SEMA5B: variants seen among roughly 807,000 people sequenced by gnomAD.
SEMA5B encodes the protein semaphorin-5B.
In SEMA5B, 66 loss-of-function variants were observed where a neutral mutation model predicts 135.0. The observed-to-expected ratio is 0.49, with a 90% CI of 0.40 to 0.60. The LOEUF is 0.60. Among genes scored for constraint, SEMA5B ranks in the 20% least tolerant of loss-of-function variants. The probability of loss-of-function intolerance (pLI) is 0.00; values close to 1 mark genes in which losing one functional copy is unlikely to be tolerated. For missense variants in SEMA5B, 1,501 were observed against 1,566.3 expected, an observed-to-expected ratio of 0.96 and a Z score of 0.70; for synonymous variants, 690 against 639.5, an observed-to-expected ratio of 1.08 and a Z score of -1.19.
At chr3:122,990,098 G>A (rs374051695) in intron 1 of SEMA5B, among the ~76,000 whole-genome samples, 2 of 152,140 alleles carry the variant, frequency 1.3e-5, no homozygotes, top group East Asian at 3.9e-4. Context: ...TCAAAGCCCA[G>A]CAGGCTGATT....
At chr3:122,981,925 G>A (rs550811399) in intron 1 of SEMA5B, among the ~76,000 whole-genome samples, 3 of 152,318 alleles carry the variant, frequency 2.0e-5, no homozygotes, top group South Asian at 2.1e-4. Context: ...AGTGCTTTGC[G>A]TTTGGCCATG....
At position 122,972,033 on chromosome 3, in the gene SEMA5B, C is replaced by T. The variant is rs144954341; in HGVS notation, c.-38-10732G>A. ...CAAACGCTTGTTGTCCACATGGATC[C>T]GCTGATCGATCCACCATGGCTGGGT... On this transcript the variant is annotated intron_variant, in intron 1 of 22. Transcript: ENST00000357599. Among the ~76,000 whole-genome samples, 122 of 152,318 alleles carry T rather than the reference C, an allele frequency of 8.0e-4. 1 individual carries two copies. Among genetic ancestry groups the T allele is most frequent in the East Asian group, 6.0e-3 (31 of 5,182 alleles).
intron 3 of SEMA5B, among the ~76,000 whole-genome samples, chr3:122,946,378 C>CTCAG (rs1319946004): frequency 1.3e-5 from 2 of 152,260 alleles, no homozygotes; most frequent in East Asian, 3.9e-4. Context: ...TTATTCACAG[C>CTCAG]TCAGTCAGGT....
At chr3:122,951,309 A>G (rs186372194) in intron 2 of SEMA5B, among the ~76,000 whole-genome samples, 371 of 152,350 alleles carry the variant, frequency 2.4e-3, no homozygotes, top group South Asian at 8.3e-3. Context: ...TATACACTAG[A>G]AAAATAAAAC....
Position 122,944,902 on chromosome 3 carries a change from G to C in SEMA5B, c.329-1367C>G, listed in dbSNP as rs555566415. 3.3e-5 allele frequency among the ~76,000 whole-genome samples: 5 copies of C among 152,252 alleles called. No homozygotes were observed. The East Asian group carries it at 9.7e-4, about 29-fold the overall frequency. ...GCAGAGGAACTTTCATGCCGCTGTT[G>C]GTAAAGATTCAGGGTAATGGGAGGC... On this transcript the variant is annotated intron_variant, in intron 3 of 22. Transcript: ENST00000357599.
chr3:123,024,968 C>G (rs1025479900), intron 1 of SEMA5B, among the ~76,000 whole-genome samples: 1 of 152,184 alleles, frequency 6.6e-6, no homozygotes, highest in South Asian at 2.1e-4. Flanking sequence ...TGTGCTTCCC[C>G]TGACATGGAC....
intron 2 of SEMA5B, among the ~76,000 whole-genome samples, chr3:122,956,991 A>G (rs1161028742): frequency 6.6e-6 from 1 of 152,228 alleles, no homozygotes; most frequent in Non-Finnish European, 1.5e-5. Flanking sequence ...CAGAGGGCAC[A>G]GCAGGGGAAA....
chr3:122,977,993 C>G (rs1941387392), intron 1 of SEMA5B, among the ~76,000 whole-genome samples: 1 of 152,258 alleles, frequency 6.6e-6, no homozygotes, highest in Non-Finnish European at 1.5e-5. Flanking sequence ...GGCCAGACCA[C>G]CTCTGCAAGA....
intron 3 of SEMA5B, among the ~76,000 whole-genome samples, chr3:122,947,318 C>T (rs928210833): frequency 2.0e-5 from 3 of 152,220 alleles, no homozygotes; most frequent in East Asian, 1.9e-4. Context: ...AAGACAGCGC[C>T]GAGAAGACAG....
chr3:122,917,078 C>T (rs933526111), intron 12 of SEMA5B, among the ~76,000 whole-genome samples: 4 of 152,210 alleles, frequency 2.6e-5, no homozygotes, highest in African/African-American at 9.6e-5. Context: ...TCAGGCTTTG[C>T]TATCCATTGC....
intron 1 of SEMA5B, among the ~76,000 whole-genome samples, chr3:123,012,283 G>A (rs1369748182): frequency 1.3e-5 from 2 of 152,118 alleles, no homozygotes; most frequent in African/African-American, 4.8e-5. Context: ...CAGAATCCCT[G>A]GGGCTGAAGG....
chr3:123,019,986 T>C (rs1044348850), intron 1 of SEMA5B, among the ~76,000 whole-genome samples: 8 of 152,206 alleles, frequency 5.3e-5, no homozygotes, highest in Non-Finnish European at 1.2e-4. Context: ...AAGTGTTTCT[T>C]AAACTCTGAA....
At chr3:122,946,352 C>G (rs572198615) in intron 3 of SEMA5B, among the ~76,000 whole-genome samples, 1 of 152,234 alleles carries the variant, frequency 6.6e-6, no homozygotes, top group East Asian at 1.9e-4. Flanking sequence ...GGCAGCTCCT[C>G]TAGGGTATTT....
At position 122,922,260 on chromosome 3, in the gene SEMA5B, T is replaced by A; in HGVS notation, c.1460A>T (p.His487Leu). Residue 487 changes from histidine (H) to leucine (L), a missense_variant, in exon 11 of 23, where the codon CAT (histidine) becomes CTT (leucine). Physicochemically the swap from His to Leu is moderately conservative, Grantham distance 99 (BLOSUM62 -3). Around this residue, in one of 2 missense-constraint regions of SEMA5B, gnomAD observed 574 missense variants for 684.7 expected, o/e 0.84. Transcript: ENST00000357599. The part of the protein sequence containing the change: ...DLVQAKDTLY[H>L]VLYIGTESGT... ...CTCACCGGTGCCAATGTAGAGTACATGGTAGAGCGTGTCTTTAGCCTGCAC... is the reference window on the plus strand; with the variant it reads ...CTCACCGGTGCCAATGTAGAGTACAAGGTAGAGCGTGTCTTTAGCCTGCAC... The A allele has an allele frequency of 6.2e-7, 1 of 1,613,892 alleles. No homozygotes were observed.
chr3:122,921,469 A>T (rs1351253427), intron 12 of SEMA5B, among the ~76,000 whole-genome samples: 1 of 152,138 alleles, frequency 6.6e-6, no homozygotes, highest in African/African-American at 2.4e-5. Context: ...GAAGGAAGCA[A>T]GAGGAGCAAA....
chr3:122,919,942 G>A (rs113214941), intron 12 of SEMA5B, among the ~76,000 whole-genome samples: 19 of 152,090 alleles, frequency 1.2e-4, no homozygotes, highest in African/African-American at 1.9e-4. Context: ...GAATGTGAGC[G>A]CAGGCCTCCC....
chr3:123,027,232 G>A (rs1352661282), intron 1 of SEMA5B: 1 of 152,334 alleles, frequency 6.6e-6, no homozygotes, highest in Non-Finnish European at 1.5e-5. Flanking sequence ...GACCCAAGCT[G>A]GCTGGCGGCG....
chr3:122,998,569 T>C (rs1300406181), intron 1 of SEMA5B, among the ~76,000 whole-genome samples: 1 of 152,182 alleles, frequency 6.6e-6, no homozygotes, highest in East Asian at 1.9e-4. Flanking sequence ...TCTGCAGAGC[T>C]GCCAGAATTC....
intron 14 of SEMA5B, among the ~76,000 whole-genome samples, chr3:122,914,891 A>G (rs1400799750): frequency 6.6e-6 from 1 of 152,204 alleles, no homozygotes; most frequent in Non-Finnish European, 1.5e-5. Flanking sequence ...AGCCTGGGCA[A>G]CAGAGTGAGA....
Sources: allele counts gnomAD v4.1 joint callset (sites outside exome capture counted in the v4.1 genomes callset), GRCh38; gene constraint gnomAD v4.1.1; regional missense constraint gnomAD v4.1.1; transcripts MANE v1.5; gene names NCBI Gene and HGNC (gene_info 2026-07-23, HGNC 2026-07-21).